CD44: variants seen among roughly 807,000 people sequenced by gnomAD.
CD44 encodes CD44 antigen.
A neutral mutation model predicts 88.8 loss-of-function variants in CD44; 49 were observed. That is an observed-to-expected ratio of 0.55 (90% CI 0.44 to 0.70). The LOEUF (loss-of-function observed/expected upper bound fraction) is 0.70, where lower values mean the gene tolerates loss of function less well. CD44 is among the 30% of genes least tolerant of loss of function. The probability of loss-of-function intolerance (pLI) is 0.00; values close to 1 mark genes in which losing one functional copy is unlikely to be tolerated. For missense variants in CD44, 883 were observed against 913.8 expected, an observed-to-expected ratio of 0.97 and a Z score of 0.43; for synonymous variants, 325 against 312.3, an observed-to-expected ratio of 1.04 and a Z score of -0.43.
intron 1 of CD44, among the ~76,000 whole-genome samples, chr11:35,173,493 G>C (rs1261497722): frequency 1.3e-5 from 2 of 152,106 alleles, no homozygotes; most frequent in Non-Finnish European, 2.9e-5. Context: ...AACACCATTA[G>C]GCTTGAAAAA....
intron 3 of CD44, among the ~76,000 whole-genome samples, chr11:35,183,583 C>T (rs1945367812): frequency 6.6e-6 from 1 of 152,162 alleles, no homozygotes; most frequent in Non-Finnish European, 1.5e-5. Context: ...GGATAAAAGT[C>T]AGCTTGATCT....
chr11:35,219,472 A>G, intron 16 of CD44, 85 bp downstream of exon 16: 3 of 939,312 alleles, frequency 3.2e-6, no homozygotes, highest in Admixed American at 3.9e-5. Context: ...ACTCATTTGA[A>G]AGCACATTCT....
At chr11:35,175,864 CTTTTTTTTT>C (rs71457374) in intron 1 of CD44, among the ~76,000 whole-genome samples, 2 of 123,188 alleles carry the variant, frequency 1.6e-5, no homozygotes, top group Admixed American at 1.7e-4. Flanking sequence ...TTTGTTTGTT[CTTTTTTTTT>C]TTTTTTTTTT....
intron 16 of CD44, among the ~76,000 whole-genome samples, chr11:35,220,638 C>A (rs549112921): frequency 6.6e-6 from 1 of 151,836 alleles, no homozygotes; most frequent in South Asian, 2.1e-4. Context: ...AATATTAATC[C>A]ACAAGTGATA....
intron 1 of CD44, among the ~76,000 whole-genome samples, chr11:35,168,642 A>G (rs1370651753): frequency 6.6e-6 from 1 of 152,218 alleles, no homozygotes; most frequent in African/African-American, 2.4e-5. Context: ...ATTCTGCCTC[A>G]TCCCTCCTGA....
chr11:35,224,413 G>A (rs1396512744), intron 17 of CD44, among the ~76,000 whole-genome samples: 3 of 152,276 alleles, frequency 2.0e-5, no homozygotes, highest in Admixed American at 6.5e-5. Context: ...TAGATACTGC[G>A]TGAGGCTCCA....
chr11:35,172,177 T>A (rs1337101779), intron 1 of CD44, among the ~76,000 whole-genome samples: 3 of 152,198 alleles, frequency 2.0e-5, no homozygotes, highest in African/African-American at 4.8e-5. Flanking sequence ...ACTTGTCCAC[T>A]TTTGCTTTGA....
At chr11:35,145,713 C>T (rs539097689) in intron 1 of CD44, among the ~76,000 whole-genome samples, 1 of 152,310 alleles carries the variant, frequency 6.6e-6, no homozygotes, top group South Asian at 2.1e-4. Context: ...GAGAGGCCCA[C>T]ACTCCTCCAA....
intron 17 of CD44, 134 bp downstream of exon 17, chr11:35,221,866 A>G (rs970970157): frequency 1.5e-5 from 12 of 782,390 alleles, no homozygotes; most frequent in Admixed American, 1.3e-4. Flanking sequence ...GAAATGCACA[A>G]TCTCAGACCC....
chr11:35,159,466 A>G (rs1942318743), intron 1 of CD44, among the ~76,000 whole-genome samples: 4 of 152,194 alleles, frequency 2.6e-5, no homozygotes, highest in Non-Finnish European at 5.9e-5. Flanking sequence ...TGATTTTTTC[A>G]TGGTGCAAAC....
chr11:35,208,777 G>A (rs12574690), intron 12 of CD44, among the ~76,000 whole-genome samples: 1 of 152,156 alleles, frequency 6.6e-6, no homozygotes, highest in South Asian at 2.1e-4. Context: ...AATTCTAGTA[G>A]CCTTAATTTC....
chr11:35,186,465 T>A (rs1406436683), intron 3 of CD44, among the ~76,000 whole-genome samples: 2 of 152,246 alleles, frequency 1.3e-5, no homozygotes, highest in Admixed American at 6.5e-5. Context: ...ACTTTTGTAA[T>A]CACAAATTTT....
At chr11:35,181,684 A>T (rs74373988) in intron 3 of CD44, among the ~76,000 whole-genome samples, 3 of 125,288 alleles carry the variant, frequency 2.4e-5, no homozygotes, top group African/African-American at 6.1e-5. Flanking sequence ...ATATATATTT[A>T]TATATATATT....
At chr11:35,157,364 TATC>T (rs899167298) in intron 1 of CD44, among the ~76,000 whole-genome samples, 13 of 149,900 alleles carry the variant, frequency 8.7e-5, no homozygotes, top group Admixed American at 3.3e-4. Context: ...TCTATCTATC[TATC>T]ATCTGTCTGT....
intron 7 of CD44, chr11:35,200,703 G>A (rs1040749516): frequency 1.6e-5 from 3 of 184,310 alleles, no homozygotes; most frequent in South Asian, 1.3e-4. Context: ...AAGTCCCTGG[G>A]CTTTCAAGTG....
At chr11:35,208,032 G>C in intron 11 of CD44, 73 bp from the exon 12 acceptor site, 1 of 865,770 alleles carries the variant, frequency 1.2e-6, no homozygotes, top group Middle Eastern at 2.2e-4. Flanking sequence ...AAAAAAATCA[G>C]CTGTAGACCA....
At position 35,231,356 on chromosome 11, in the gene CD44, G is replaced by C. The variant is rs879543811; in HGVS notation, c.*2023G>C. On this transcript the variant is annotated 3_prime_UTR_variant, in exon 18 of 18. Coordinates refer to ENST00000428726, the MANE Select transcript of CD44 (RefSeq NM_000610.4). The stretch of plus-strand genomic sequence containing the variant: ...CCACTCCAGGACAAGGTTCAAAATG[G>C]TTACAACAGCCTCTACCTGTCGCCC... 1 of 152,104 alleles carries C rather than the reference G, an allele frequency of 6.6e-6. No homozygotes were observed. The highest frequency in any genetic ancestry group is 1.5e-5 in the Non-Finnish European group (1 of 68,034). 9.4% of individuals were successfully genotyped at this position (152,104 alleles called of 1,614,324 possible). A position where few individuals can be genotyped will look rare whatever the true frequency, so the allele number is the denominator to read the frequency against.
intron 2 of CD44, among the ~76,000 whole-genome samples, chr11:35,177,681 C>T (rs1482084347): frequency 7.9e-5 from 12 of 152,340 alleles, no homozygotes; most frequent in Admixed American, 7.2e-4. Context: ...TATCCTCCAA[C>T]ACTGGGTACA....
intron 17 of CD44, chr11:35,222,723 C>G: frequency 1.0e-6 from 1 of 957,056 alleles, no homozygotes; most frequent in Non-Finnish European, 1.2e-6. Context: ...ATTTCTTACC[C>G]AAGACACTTT....
Sources: allele counts gnomAD v4.1 joint callset (sites outside exome capture counted in the v4.1 genomes callset), GRCh38; gene constraint gnomAD v4.1.1; transcripts MANE v1.5; gene names NCBI Gene and HGNC (gene_info 2026-07-23, HGNC 2026-07-21).